AHDC1: variants seen among roughly 807,000 people sequenced by gnomAD.
AHDC1 encodes the protein transcription factor Gibbin.
Under a neutral mutation model 87.9 loss-of-function variants are expected in AHDC1, and 7 were observed. The ratio of observed to expected loss-of-function variants is 0.08; its 90% confidence interval spans 0.05 to 0.15. The LOEUF (loss-of-function observed/expected upper bound fraction) is 0.15. Ranked by LOEUF, AHDC1 falls within the 10% of genes least tolerant of loss-of-function variation. AHDC1 has a pLI of 1.00. For missense variants in AHDC1, 1,841 were observed against 2,253.2 expected, an observed-to-expected ratio of 0.82 and a Z score of 3.70; for synonymous variants, 1,051 against 1,006.8, an observed-to-expected ratio of 1.04 and a Z score of -0.83.
At chr1:27,592,084 A>G (rs2089237618) in intron 3 of AHDC1, among the ~76,000 whole-genome samples, 1 of 152,128 alleles carries the variant, frequency 6.6e-6, no homozygotes, top group Admixed American at 6.5e-5. Context: ...TGTCTCCCCT[A>G]TTTGTTAAAG....
intron 3 of AHDC1, among the ~76,000 whole-genome samples, chr1:27,599,251 C>T (rs1248284689): frequency 1.3e-5 from 2 of 152,142 alleles, no homozygotes; most frequent in Admixed American, 6.5e-5. Context: ...CCTGGTTGGG[C>T]CCCCTCCCTC....
rs766550931 is a variant in AHDC1, at chr1:27,550,726, G to C, written c.1390C>G (p.Arg464Gly). Residue 464 changes from arginine (R) to glycine (G), a missense_variant, in exon 8 of 9, where the codon CGC (arginine) becomes GGC (glycine). This residue lies in a region of AHDC1 where 370 missense variants were observed against 391.5 expected (regional missense o/e 0.95). Coordinates refer to ENST00000673934, the MANE Select transcript of AHDC1 (RefSeq NM_001371928.1). Reference protein sequence around the residue: ...ESSQTPVVSTRKGKCRGVRRM... With the variant: ...ESSQTPVVSTGKGKCRGVRRM... Reference sequence around the variant, plus strand: ...CGCACGCCCCGGCACTTGCCTTTGCGGGTAGAGACCACTGGGGTCTGGGAA... The same window carrying C: ...CGCACGCCCCGGCACTTGCCTTTGCCGGTAGAGACCACTGGGGTCTGGGAA... 6.3e-7 allele frequency: 1 copy of C among 1,597,316 alleles called. No homozygotes were observed. The highest frequency in any genetic ancestry group is 1.1e-5 in the South Asian group (1 of 89,106).
intron 3 of AHDC1, among the ~76,000 whole-genome samples, chr1:27,564,973 A>G (rs1026385156): frequency 6.6e-6 from 1 of 152,164 alleles, no homozygotes; most frequent in African/African-American, 2.4e-5. Context: ...ACAAGAGCCT[A>G]GAGTCCTGGC....
At chr1:27,542,459 G>T (rs1244936427) in intron 8 of AHDC1, among the ~76,000 whole-genome samples, 1 of 152,242 alleles carries the variant, frequency 6.6e-6, no homozygotes, top group Non-Finnish European at 1.5e-5. Context: ...GGTTGGAGGT[G>T]TGTGACTCAC....
At chr1:27,571,156 G>A (rs1277703134) in intron 3 of AHDC1, among the ~76,000 whole-genome samples, 1 of 152,134 alleles carries the variant, frequency 6.6e-6, no homozygotes, top group East Asian at 1.9e-4. Context: ...CTCCTTTAGC[G>A]AGCGGTGGTG....
At chr1:27,573,698 C>G (rs2088617218) in intron 3 of AHDC1, among the ~76,000 whole-genome samples, 1 of 152,162 alleles carries the variant, frequency 6.6e-6, no homozygotes, top group Admixed American at 6.5e-5. Context: ...TACAAAGTTC[C>G]CTATACCTGG....
At chr1:27,575,337 C>CCTGG (rs2148414646) in intron 3 of AHDC1, among the ~76,000 whole-genome samples, 1 of 152,166 alleles carries the variant, frequency 6.6e-6, no homozygotes, top group East Asian at 1.9e-4. Flanking sequence ...GTTGCCTGCA[C>CCTGG]CTGGCCCTTC....
intron 5 of AHDC1, among the ~76,000 whole-genome samples, chr1:27,555,464 C>T (rs559849790): frequency 3.3e-5 from 5 of 152,306 alleles, no homozygotes; most frequent in South Asian, 2.1e-4. Flanking sequence ...AGCTGCTCCT[C>T]GTTGTCCCAC....
intron 3 of AHDC1, among the ~76,000 whole-genome samples, chr1:27,570,031 G>C (rs886220805): frequency 6.6e-6 from 1 of 152,082 alleles, no homozygotes; most frequent in Non-Finnish European, 1.5e-5. Context: ...GGGGGCTGGA[G>C]TCCAGCCTTC....
chr1:27,557,214 C>T (rs1052014335), intron 5 of AHDC1, among the ~76,000 whole-genome samples: 1 of 151,574 alleles, frequency 6.6e-6, no homozygotes, highest in African/African-American at 2.4e-5. Flanking sequence ...CGGCGGCCCT[C>T]CCTTCCTCCC....
At chr1:27,571,804 C>T (rs901517534) in intron 3 of AHDC1, among the ~76,000 whole-genome samples, 3 of 152,096 alleles carry the variant, frequency 2.0e-5, no homozygotes, top group Admixed American at 6.5e-5. Flanking sequence ...TTGCAGGGAG[C>T]GGGGTAACCT....
chr1:27,572,529 C>T (rs934561902), intron 3 of AHDC1, among the ~76,000 whole-genome samples: 5 of 152,218 alleles, frequency 3.3e-5, no homozygotes, highest in Admixed American at 6.5e-5. Context: ...GTACCCTAGC[C>T]AGCCACACAT....
Position 27,549,528 on chromosome 1 carries a change from T to G in AHDC1, c.2588A>C (p.Glu863Ala), listed in dbSNP as rs2019401862. 4 of 1,613,290 alleles carry G rather than the reference T, an allele frequency of 2.5e-6. No homozygotes were observed. Among genetic ancestry groups the G allele is most frequent in the Non-Finnish European group, 3.4e-6 (4 of 1,179,984 alleles). The change falls in exon 8 of 9, where the codon GAG becomes GCG. Residue 863 changes from glutamate to alanine, a missense_variant. This residue lies in a region of AHDC1 where 378 missense variants were observed against 399.0 expected (regional missense o/e 0.95). Coordinates refer to ENST00000673934, the MANE Select transcript of AHDC1 (RefSeq NM_001371928.1). ...ATAGGTGCCCGATGCCTTCCGGGACTCTGGGCGAGAGGCTGAGAGGGCAAA... is the reference window on the plus strand; with the variant it reads ...ATAGGTGCCCGATGCCTTCCGGGACGCTGGGCGAGAGGCTGAGAGGGCAAA... ...LDFALSASRPESRKASGTYAG... is the reference protein window; with the variant it reads ...LDFALSASRPASRKASGTYAG...
At chr1:27,597,894 TG>T (rs1036462169) in intron 3 of AHDC1, among the ~76,000 whole-genome samples, 112 of 152,248 alleles carry the variant, frequency 7.4e-4, no homozygotes, top group African/African-American at 2.3e-3. Flanking sequence ...TCTAAGTCTC[TG>T]TCTTCCATTT....
Position 27,547,990 on chromosome 1 carries a change from C to T in AHDC1, c.4126G>A (p.Asp1376Asn). ...GCCAGCGGTGGGAAATGCTTGCCAT[C>T]AAGCTCGGGAGCACCCAGGCTGGGC... Reference protein sequence around the residue: ...DSPSLGAPELDGKHFPPLAHP... With the variant: ...DSPSLGAPELNGKHFPPLAHP... Residue 1376 changes from aspartate to asparagine, a missense_variant, in exon 8 of 9, where the codon GAT (aspartate) becomes AAT (asparagine). Coordinates refer to ENST00000673934, the MANE Select transcript of AHDC1 (RefSeq NM_001371928.1). This position sits in a 1 kb window ranked among gnomAD's most constrained non-coding sequence, Gnocchi z 4.9. The T allele has an allele frequency of 6.2e-7, 1 of 1,605,860 alleles. No homozygotes were observed. The highest frequency in any genetic ancestry group is 1.1e-5 in the South Asian group (1 of 90,572).
intron 3 of AHDC1, among the ~76,000 whole-genome samples, chr1:27,585,398 C>T (rs1296314995): frequency 3.9e-5 from 6 of 151,984 alleles, no homozygotes; most frequent in Non-Finnish European, 8.8e-5. Context: ...CCTCAGTTTT[C>T]TGATATATGA....
At position 27,551,246 on chromosome 1, in the gene AHDC1, C is replaced by A. The variant is rs369838366; in HGVS notation, c.870G>T (p.Pro290=). 5.0e-6 allele frequency: 8 copies of A among 1,609,624 alleles called. No individual in the cohort carries two copies. In the South Asian group the frequency reaches 7.7e-5, roughly 15 times the overall value. ...GTGGCAGCTCCAGAGCTTCCCCGAG[C>A]GGCTCTAGTGCCTGCGGGTCCAGGA... is the stretch of plus-strand genomic sequence containing the variant. ...PRFLDPQALE[P]LGEALELPPL... is the part of the protein sequence containing the mutation. Residue 290 remains proline (P), a synonymous_variant, in exon 8 of 9, where the codon CCG becomes CCT. Transcript: ENST00000673934.
At position 27,551,568 on chromosome 1, in the gene AHDC1, C is replaced by T. The variant is rs772531337; in HGVS notation, c.548G>A (p.Arg183Gln). 7.5e-6 allele frequency: 12 copies of T among 1,608,800 alleles called. No homozygotes were observed. The highest frequency in any genetic ancestry group is 2.2e-5 in the East Asian group (1 of 44,722). Residue 183 changes from arginine to glutamine, a missense_variant, in exon 8 of 9, where the codon CGG becomes CAG. By Grantham distance (43) the Arg-to-Gln change is conservative. This residue lies in a region of AHDC1 where 50 missense variants were observed against 104.3 expected (regional missense o/e 0.48). Transcript: ENST00000673934. ...LANSIRSPEE[R>Q]ATPHAKSERP... Reference sequence around the variant, plus strand: ...CTCCGACTTGGCGTGTGGGGTGGCCCGCTCCTCAGGGCTACGGATGCTGTT... The same window carrying T: ...CTCCGACTTGGCGTGTGGGGTGGCCTGCTCCTCAGGGCTACGGATGCTGTT...
chr1:27,542,886 A>C (rs2018993372), intron 8 of AHDC1, among the ~76,000 whole-genome samples: 1 of 152,242 alleles, frequency 6.6e-6, no homozygotes, highest in Non-Finnish European at 1.5e-5. Context: ...AGATAGGATC[A>C]GAGGGAGGAT....
Sources: allele counts gnomAD v4.1 joint callset (sites outside exome capture counted in the v4.1 genomes callset), GRCh38; gene constraint gnomAD v4.1.1; regional missense constraint gnomAD v4.1.1; non-coding constraint Gnocchi (gnomAD v3.1); transcripts MANE v1.5; gene names NCBI Gene and HGNC (gene_info 2026-07-23, HGNC 2026-07-21).